CCDC28B: variants seen among roughly 807,000 people sequenced by gnomAD.
The protein encoded by CCDC28B is coiled-coil domain-containing protein 28B.
CCDC28B carries 17 observed loss-of-function variants against 18.7 expected under a neutral mutation model. The ratio of observed to expected loss-of-function variants is 0.91; its 90% confidence interval spans 0.62 to 1.36. The LOEUF is 1.36. Ranked by LOEUF, CCDC28B falls within the 40% of genes most tolerant of loss-of-function variation. The pLI is 0.00. For synonymous variants in CCDC28B, 116 were observed against 105.1 expected (o/e 1.10, Z -0.64); for missense variants, 213 against 251.7 (o/e 0.85, Z 1.04).
In CCDC28B at chr1:32,202,004, A is replaced by G; in HGVS notation, c.69A>G (p.Thr23=). The change falls in exon 2 of 6, where the codon ACA becomes ACG. Residue 23 remains threonine (T), a synonymous_variant. Transcript: ENST00000373602. ...CCCAGCCAGCCCAGGCCCCAGGCAC[A>G]CTACGGAGGGTCCCTGTGCCTACCA... ...CLAQPAQAPG[T]LRRVPVPTSH... is the part of the protein sequence containing the mutation. 1 of 1,613,944 alleles carries G rather than the reference A, an allele frequency of 6.2e-7. No homozygotes were observed. Among genetic ancestry groups the G allele is most frequent in the Non-Finnish European group, 8.5e-7 (1 of 1,179,964 alleles).
chr1:32,203,819 G>A, intron 2 of CCDC28B, 60 bp from the exon 3 acceptor site: 1 of 1,369,744 alleles, frequency 7.3e-7, no homozygotes, highest in Non-Finnish European at 9.8e-7. Flanking sequence ...TGGCACAAAA[G>A]ATCGGGAGGT....
At chr1:32,201,591 A>T (rs1259987022) in intron 1 of CCDC28B, 1 of 212,414 alleles carries the variant, frequency 4.7e-6, no homozygotes, top group Admixed American at 5.6e-5. Context: ...GTCTCCCACT[A>T]CATTTCCTCT....
upstream of CCDC28B, chr1:32,197,884 TAGG>T (rs1224430297): frequency 6.6e-6 from 1 of 152,214 alleles, no homozygotes; most frequent in Non-Finnish European, 1.5e-5. This position sits in a 1 kb window ranked among gnomAD's most constrained non-coding sequence, Gnocchi z 4.6. Flanking sequence ...GCACTTTCTG[TAGG>T]AGACTGTTAT....
In CCDC28B at chr1:32,202,108, A is replaced by G. The variant is rs1235322906; in HGVS notation, c.164+9A>G. 3 of 1,612,068 alleles carry G rather than the reference A, an allele frequency of 1.9e-6. No homozygotes were observed. Among genetic ancestry groups the G allele is most frequent in the Non-Finnish European group, 2.5e-6 (3 of 1,178,736 alleles). On this transcript the variant is annotated intron_variant, in intron 2 of 5. Coordinates refer to ENST00000373602, the MANE Select transcript of CCDC28B (RefSeq NM_024296.5). ...CGGGCCAAGTTCAAGAGGTGGGTAC[A>G]GAAGGGAAGGAAAGGAGGAGGGACC...
Position 32,203,958 on chromosome 1 carries a change from C to G in CCDC28B, c.244C>G (p.Leu82Val). The G allele has an allele frequency of 1.3e-6, 2 of 1,582,134 alleles. No homozygotes were observed. The highest frequency in any genetic ancestry group is 2.3e-5 in the South Asian group (2 of 85,994). ...SAGTPLQHSF[L>V]TEVTDVYEME... ...AGGCACGCCCCTGCAGCACTCCTTC[C>G]TGACCGAGGTGACTGATGTCTATGA... The change falls in exon 3 of 6, where the codon CTG (leucine) becomes GTG (valine). Residue 82 changes from leucine to valine, a missense_variant. By Grantham distance (32) the Leu-to-Val change is conservative (BLOSUM62 1). Transcript: ENST00000373602.
upstream of CCDC28B, among the ~76,000 whole-genome samples, chr1:32,199,371 G>C (rs1387177640): frequency 1.3e-5 from 2 of 152,098 alleles, no homozygotes; most frequent in East Asian, 1.9e-4. Context: ...GAGGGTGTGG[G>C]GGGGGTGCCG....
chr1:32,200,175 A>C (rs1034573140), upstream of CCDC28B, among the ~76,000 whole-genome samples: 14 of 152,150 alleles, frequency 9.2e-5, no homozygotes, highest in African/African-American at 3.1e-4. Context: ...GGGGAATGAC[A>C]CTGGTATCTT....
intron 4 of CCDC28B, 22 bp from the exon 5 acceptor site, chr1:32,204,576 C>T (rs756734402): frequency 6.4e-7 from 1 of 1,553,478 alleles, no homozygotes. Flanking sequence ...ACAGAAGCCT[C>T]CCTTTTTCTC....
intron 2 of CCDC28B, 57 bp from the exon 3 acceptor site, chr1:32,203,822 C>G: frequency 1.5e-6 from 2 of 1,374,296 alleles, no homozygotes; most frequent in Non-Finnish European, 1.9e-6. Context: ...CACAAAAGAT[C>G]GGGAGGTGCC....
At chr1:32,203,308 A>C (rs915953048) in intron 2 of CCDC28B, 2 of 150,848 alleles carry the variant, frequency 1.3e-5, no homozygotes, top group Non-Finnish European at 3.0e-5. Flanking sequence ...AGTAAAAAAA[A>C]TTAGCAGGGC....
chr1:32,205,048 C>A lies in CCDC28B; in HGVS notation c.549-146C>A. The A allele has an allele frequency of 2.6e-6, 3 of 1,174,436 alleles. No homozygotes were observed. The highest frequency in any genetic ancestry group is 3.1e-5 in the South Asian group (2 of 63,534). The allele number at this position is 1,174,436 out of a possible 1,614,324, so 72.8% of individuals were successfully genotyped here. A position where few individuals can be genotyped will look rare whatever the true frequency, so the allele number is the denominator to read the frequency against. ...GAGAGAGGGGGTGAGAGAGGGCAGG[C>A]GGGGACTGCAACCTCAGTCCACAGA... On this transcript the variant is annotated intron_variant, in intron 5 of 5. Coordinates refer to ENST00000373602, the MANE Select transcript of CCDC28B (RefSeq NM_024296.5). This position sits in a 1 kb window ranked among gnomAD's most constrained non-coding sequence, Gnocchi z 5.6.
In CCDC28B at chr1:32,203,863, T is replaced by C; in HGVS notation, c.165-16T>C. ...GCCCCCTACCCTGTGATCATGGTCA[T>C]GTCCACCCCACCCAGAGTAGGCAAA... is the stretch of plus-strand genomic sequence containing the variant. On this transcript the variant is annotated splice_polypyrimidine_tract_variant and intron_variant, in intron 2 of 5. Transcript: ENST00000373602. 2 of 1,496,652 alleles carry C rather than the reference T, an allele frequency of 1.3e-6. No individual in the cohort carries two copies. The highest frequency in any genetic ancestry group is 1.8e-6 in the Non-Finnish European group (2 of 1,123,760). 92.7% of individuals were successfully genotyped at this position (1,496,652 alleles called of 1,614,324 possible).
chr1:32,204,110 A>G (rs1450221798), intron 3 of CCDC28B, 65 bp downstream of exon 3: 2 of 1,596,322 alleles, frequency 1.3e-6, no homozygotes, highest in African/African-American at 1.3e-5. Context: ...TCCATGGGGC[A>G]TGGCTGGGAC....
chr1:32,201,736 CAAGTGT>C, intron 1 of CCDC28B, 171 bp from the exon 2 acceptor site: 1 of 534,150 alleles, frequency 1.9e-6, no homozygotes, highest in South Asian at 2.9e-5. Flanking sequence ...GAAGGTCCTT[CAAGTGT>C]ACATCCACGA....
intron 2 of CCDC28B, among the ~76,000 whole-genome samples, chr1:32,203,312 G>T (rs948731260): frequency 6.6e-6 from 1 of 151,822 alleles, no homozygotes. Flanking sequence ...AAAAAAATTA[G>T]CAGGGCATAG....
In CCDC28B at chr1:32,205,178, T is replaced by A. The variant is rs1185919116; in HGVS notation, c.549-16T>A. ...GAAGGACTGGTCCAAAGCGCCACGA[T>A]CCTTGACGGGCACAGCCAGAAGCTG... On this transcript the variant is annotated splice_polypyrimidine_tract_variant and intron_variant, in intron 5 of 5. Transcript: ENST00000373602. The surrounding 1 kb of genome is among the most constrained non-coding windows in gnomAD (Gnocchi z 5.6). 17 of 1,613,456 alleles carry A rather than the reference T, an allele frequency of 1.1e-5. No individual in the cohort carries two copies. The highest frequency in any genetic ancestry group is 1.4e-5 in the Non-Finnish European group (17 of 1,179,778).
In CCDC28B at chr1:32,202,075, C is replaced by T. The variant is rs576858730; in HGVS notation, c.140C>T (p.Pro47Leu). The T allele has an allele frequency of 5.0e-6, 8 of 1,613,118 alleles. No homozygotes were observed. In the South Asian group the frequency reaches 7.7e-5, roughly 16 times the overall value. ...CTAGGACTTCCTCATCTGCCATCCCCCAAGCAGCGGGCCAAGTTCAAGAGG... is the reference window on the plus strand; with the variant it reads ...CTAGGACTTCCTCATCTGCCATCCCTCAAGCAGCGGGCCAAGTTCAAGAGG... Reference protein sequence around the residue: ...LALGLPHLPSPKQRAKFKRVG... With the variant: ...LALGLPHLPSLKQRAKFKRVG... The change falls in exon 2 of 6, where the codon CCC becomes CTC. Residue 47 changes from proline (P) to leucine (L), a missense_variant. Pro to Leu is a moderately conservative substitution (Grantham distance 98, BLOSUM62 -3). Coordinates refer to ENST00000373602, the MANE Select transcript of CCDC28B (RefSeq NM_024296.5).
chr1:32,199,977 G>A (rs1409658066), upstream of CCDC28B, among the ~76,000 whole-genome samples: 1 of 152,160 alleles, frequency 6.6e-6, no homozygotes, highest in African/African-American at 2.4e-5. Context: ...AGGTGCCAGG[G>A]AATCGCGTGG....
At chr1:32,204,782 A>G (rs1198109635) in intron 5 of CCDC28B, 162 bp downstream of exon 5, 11 of 1,607,118 alleles carry the variant, frequency 6.8e-6, no homozygotes, top group Non-Finnish European at 9.4e-6. Flanking sequence ...AGGAATTTAG[A>G]ATTTCCCCAA....
Sources: gnomAD v4.1 joint callset for allele counts (sites outside exome capture counted in the v4.1 genomes callset) on GRCh38, gnomAD v4.1.1 for gene constraint, Gnocchi (gnomAD v3.1) non-coding constraint, MANE v1.5 for transcripts, NCBI Gene and HGNC (gene_info 2026-07-23, HGNC 2026-07-21) for gene names.